Variants in TLK1 observed in about 807,000 individuals in gnomAD.
The protein encoded by TLK1 is serine/threonine-protein kinase tousled-like 1.
A neutral mutation model predicts 105.3 loss-of-function variants in TLK1; 24 were observed. The observed-to-expected ratio is 0.23, with a 90% CI of 0.17 to 0.32. The LOEUF (loss-of-function observed/expected upper bound fraction) is 0.32, where lower values mean the gene tolerates loss of function less well. Ranked by LOEUF, TLK1 falls within the 10% of genes least tolerant of loss-of-function variation. The pLI, the probability that TLK1 is intolerant of heterozygous loss-of-function variation, is 1.00. For synonymous variants in TLK1, 321 were observed against 310.4 expected (o/e 1.03, Z -0.36); for missense variants, 558 against 910.5 (o/e 0.61, Z 4.98).
chr2:171,046,721 A>G (rs1469792842), intron 10 of TLK1, among the ~76,000 whole-genome samples: 1 of 152,186 alleles, frequency 6.6e-6, no homozygotes, highest in Non-Finnish European at 1.5e-5. Context: ...GTCTATTTAT[A>G]CAGTATTTAT....
chr2:171,055,177 A>G lies in TLK1; in HGVS notation c.550-5T>C. 7.1e-7 allele frequency: 1 copy of G among 1,414,068 alleles called. No individual in the cohort carries two copies. The highest frequency in any genetic ancestry group is 9.4e-7 in the Non-Finnish European group (1 of 1,069,120). 87.6% of individuals were successfully genotyped at this position (1,414,068 alleles called of 1,614,324 possible). On this transcript the variant is annotated splice_region_variant and splice_polypyrimidine_tract_variant and intron_variant, in intron 6 of 20. Transcript: ENST00000431350. Reference sequence around the variant, plus strand: ...AGAAGGGCTATTCGGTCGAACCTAAAGAAATTATTAAAATTTTTATATTAG... The same window carrying G: ...AGAAGGGCTATTCGGTCGAACCTAAGGAAATTATTAAAATTTTTATATTAG...
intron 18 of TLK1, 146 bp from the exon 19 acceptor site, chr2:170,997,969 A>G: frequency 2.0e-6 from 1 of 494,040 alleles, no homozygotes. Context: ...GAACTTCTGG[A>G]GCATTTACAT....
chr2:171,107,511 T>C (rs1178811580), intron 2 of TLK1, among the ~76,000 whole-genome samples: 1 of 152,202 alleles, frequency 6.6e-6, no homozygotes, highest in African/African-American at 2.4e-5. Flanking sequence ...TATTATGTAT[T>C]ATAACAACAA....
intron 5 of TLK1, among the ~76,000 whole-genome samples, 191 bp from the exon 6 acceptor site, chr2:171,056,757 G>A (rs1031122959): frequency 1.3e-5 from 2 of 150,376 alleles, no homozygotes; most frequent in African/African-American, 4.9e-5. Flanking sequence ...CTGATCACAA[G>A]AACATGACGA....
chr2:171,060,618 A>G (rs1223205636), intron 4 of TLK1, among the ~76,000 whole-genome samples: 2 of 152,258 alleles, frequency 1.3e-5, no homozygotes, highest in African/African-American at 2.4e-5. Flanking sequence ...ATATTTAGTT[A>G]AATGAAAATA....
intron 2 of TLK1, among the ~76,000 whole-genome samples, chr2:171,117,112 A>T (rs1690466353): frequency 6.6e-6 from 1 of 152,150 alleles, no homozygotes; most frequent in African/African-American, 2.4e-5. Flanking sequence ...ATGAAAAAAG[A>T]GGGAAGGTGG....
At chr2:171,159,879 G>A (rs1212984868) in intron 1 of TLK1, 7 of 162,624 alleles carry the variant, frequency 4.3e-5, no homozygotes, top group Non-Finnish European at 9.3e-5. Context: ...GGGGCTCGAG[G>A]ACGAAGGCTC....
chr2:171,219,038 A>G (rs1693762461), intron 1 of TLK1, among the ~76,000 whole-genome samples: 3 of 152,212 alleles, frequency 2.0e-5, no homozygotes, highest in Admixed American at 2.0e-4. Flanking sequence ...CAAGATCACA[A>G]TGATAGATTC....
chr2:171,142,406 C>G (rs1297181775), intron 1 of TLK1, among the ~76,000 whole-genome samples: 2 of 152,058 alleles, frequency 1.3e-5, no homozygotes, highest in East Asian at 3.8e-4. Flanking sequence ...AAAGATATGG[C>G]TAAAACGCGA....
At chr2:171,227,585 T>TTC (rs1693923914) in intron 1 of TLK1, among the ~76,000 whole-genome samples, 1 of 140,622 alleles carries the variant, frequency 7.1e-6, no homozygotes, top group Admixed American at 7.2e-5. Context: ...TTTTTTTTTT[T>TTC]TTTTTTTTTT....
intron 1 of TLK1, among the ~76,000 whole-genome samples, chr2:171,139,331 C>A (rs1195689200): frequency 6.6e-6 from 1 of 152,184 alleles, no homozygotes; most frequent in African/African-American, 2.4e-5. Context: ...GGCATGGTGG[C>A]TCACGCCTGT....
chr2:171,129,808 C>T (rs2105553667), intron 1 of TLK1, among the ~76,000 whole-genome samples: 1 of 150,036 alleles, frequency 6.7e-6, no homozygotes, highest in East Asian at 1.9e-4. Context: ...GCACTCCAGC[C>T]TGGGATATAG....
intron 2 of TLK1, among the ~76,000 whole-genome samples, chr2:171,092,846 T>A (rs945528981): frequency 2.0e-5 from 3 of 151,146 alleles, no homozygotes; most frequent in Non-Finnish European, 4.4e-5. Flanking sequence ...ACTAGATGGG[T>A]ACATTTTTTT....
At chr2:171,004,110 T>G (rs879925427) in intron 18 of TLK1, among the ~76,000 whole-genome samples, 1 of 152,032 alleles carries the variant, frequency 6.6e-6, no homozygotes, top group South Asian at 2.1e-4. Flanking sequence ...ATGGCCACCA[T>G]GCCCAGCTAA....
chr2:171,098,526 G>T (rs1689550568), intron 2 of TLK1, among the ~76,000 whole-genome samples: 1 of 152,158 alleles, frequency 6.6e-6, no homozygotes, highest in African/African-American at 2.4e-5. Flanking sequence ...GGCCTAGATG[G>T]TTTCACTGGT....
chr2:171,008,653 T>C (rs998609142), intron 14 of TLK1, among the ~76,000 whole-genome samples: 5 of 145,616 alleles, frequency 3.4e-5, no homozygotes, highest in Admixed American at 3.4e-4. Context: ...AATACAACTC[T>C]TTACTTCTTG....
intron 10 of TLK1, among the ~76,000 whole-genome samples, chr2:171,047,894 G>A (rs1489788079): frequency 2.0e-5 from 3 of 152,068 alleles, no homozygotes; most frequent in Non-Finnish European, 4.4e-5. Context: ...ACACACAGTA[G>A]GTCCTCAATA....
At chr2:171,042,029 C>T (rs1686700457) in intron 11 of TLK1, among the ~76,000 whole-genome samples, 1 of 152,120 alleles carries the variant, frequency 6.6e-6, no homozygotes, top group African/African-American at 2.4e-5. Context: ...TTTAAGAATG[C>T]AATCAAATTG....
rs866910999 is a variant in TLK1 at position 171,056,567 on chromosome 2, C to T, written c.454-1G>A. 2 of 1,610,212 alleles carry T rather than the reference C, an allele frequency of 1.2e-6. No homozygotes were observed. The highest frequency in any genetic ancestry group is 1.7e-6 in the Non-Finnish European group (2 of 1,177,274). ...GACTTGAGCCATTTCCACCCTGGTA[C>T]TGAGTAAAAGAAAAAGGAAGCATTA... On this transcript the variant is annotated splice_acceptor_variant, in intron 5 of 20. Transcript: ENST00000431350. LOFTEE classifies it high-confidence loss of function.
Sources: gnomAD v4.1 joint callset for allele counts (sites outside exome capture counted in the v4.1 genomes callset) on GRCh38, gnomAD v4.1.1 for gene constraint, MANE v1.5 for transcripts, NCBI Gene and HGNC (gene_info 2026-07-23, HGNC 2026-07-21) for gene names.